CAPN8: variants seen among roughly 807,000 people sequenced by gnomAD.
CAPN8 encodes the protein calpain 8.
A neutral mutation model predicts 80.9 loss-of-function variants in CAPN8; 87 were observed. The ratio of observed to expected loss-of-function variants is 1.07; its 90% CI spans 0.90 to 1.28. CAPN8 has a LOEUF of 1.28. Among genes scored for constraint, CAPN8 ranks in the 50% most tolerant of loss-of-function variants. The pLI is 0.00. For synonymous variants in CAPN8, 299 were observed against 273.8 expected, an observed-to-expected ratio of 1.09 and a Z score of -0.91; for missense variants, 757 against 702.0, an observed-to-expected ratio of 1.08 and a Z score of -0.89.
At chr1:223,645,901 CA>C (rs1221701100) in intron 2 of CAPN8, among the ~76,000 whole-genome samples, 4 of 152,142 alleles carry the variant, frequency 2.6e-5, no homozygotes, top group Non-Finnish European at 4.4e-5. Context: ...GAGGGTAAAC[CA>C]AAGTGCTCCA....
chr1:223,654,917 GA>G (rs1165308431), intron 1 of CAPN8, among the ~76,000 whole-genome samples: 1 of 143,206 alleles, frequency 7.0e-6, no homozygotes, highest in Non-Finnish European at 1.5e-5. Context: ...ATGTTGAACT[GA>G]CCTCAAGTGA....
chr1:223,659,997 C>A (rs11807189), intron 1 of CAPN8, among the ~76,000 whole-genome samples: 3,063 of 152,248 alleles, frequency 0.02, 41 homozygotes, highest in Non-Finnish European at 0.034. Flanking sequence ...CTGAACACAA[C>A]CAGCACGCAA....
At chr1:223,609,937 T>TC (rs1251582731) in intron 11 of CAPN8, among the ~76,000 whole-genome samples, 2 of 151,850 alleles carry the variant, frequency 1.3e-5, no homozygotes, top group African/African-American at 4.8e-5. Flanking sequence ...TAGTCTGGGG[T>TC]CCCCCCAGCC....
intron 8 of CAPN8, 137 bp from the exon 9 acceptor site, chr1:223,619,590 C>G: frequency 1.2e-6 from 1 of 803,568 alleles, no homozygotes; most frequent in Middle Eastern, 3.1e-4. Context: ...CTACAGCACA[C>G]TGATACAAAC....
At chr1:223,626,964 G>T (rs1657600464) in intron 5 of CAPN8, 25 bp downstream of exon 5, 1 of 1,545,196 alleles carries the variant, frequency 6.5e-7, no homozygotes, top group Non-Finnish European at 8.8e-7. Flanking sequence ...GGGAGGTGGG[G>T]CAGTAGAGAA....
At chr1:223,627,240 C>T in intron 4 of CAPN8, 83 bp from the exon 5 acceptor site, 1 of 1,414,836 alleles carries the variant, frequency 7.1e-7, no homozygotes, top group East Asian at 2.5e-5. Flanking sequence ...AGTGCTAGGA[C>T]ATACTGTGGC....
intron 2 of CAPN8, among the ~76,000 whole-genome samples, chr1:223,652,354 A>T (rs915157502): frequency 1.3e-5 from 2 of 152,058 alleles, no homozygotes; most frequent in African/African-American, 4.8e-5. Flanking sequence ...ATATATATAT[A>T]TATAAACATC....
intron 10 of CAPN8, among the ~76,000 whole-genome samples, chr1:223,613,251 GC>G (rs1232239330): frequency 6.6e-6 from 1 of 152,212 alleles, no homozygotes; most frequent in Non-Finnish European, 1.5e-5. Context: ...CACTTCTGGA[GC>G]CCCCATGGGT....
intron 2 of CAPN8, among the ~76,000 whole-genome samples, chr1:223,645,669 T>G (rs1571732286): frequency 6.6e-6 from 1 of 152,174 alleles, no homozygotes; most frequent in East Asian, 1.9e-4. Context: ...GATCCCCAGA[T>G]CTCTCTCCCA....
chr1:223,558,581 GGTGT>G (rs1306589743), intron 12 of CAPN8, among the ~76,000 whole-genome samples: 4 of 151,846 alleles, frequency 2.6e-5, no homozygotes, highest in African/African-American at 4.8e-5. Flanking sequence ...TGTGTGCTAT[GGTGT>G]GTGTGTGTGT....
Position 223,541,930 on chromosome 1 carries a change from C to T in CAPN8, c.2089-71G>A. Reference sequence around the variant, plus strand: ...GGTGTGCTTTCACCATTGATGCTCTCCTGCCTCACATGGGTGCGATCTTTT... The same window carrying T: ...GGTGTGCTTTCACCATTGATGCTCTTCTGCCTCACATGGGTGCGATCTTTT... On this transcript the variant is annotated intron_variant, in intron 20 of 20. Transcript: ENST00000366872. 6 of 1,549,748 alleles carry T rather than the reference C, an allele frequency of 3.9e-6. No homozygotes were observed. In the South Asian group the frequency reaches 6.0e-5, roughly 15 times the overall value.
chr1:223,615,549 AG>A (rs1481680224), intron 10 of CAPN8, among the ~76,000 whole-genome samples: 1 of 152,152 alleles, frequency 6.6e-6, no homozygotes, highest in Admixed American at 6.5e-5. Flanking sequence ...AAGGCCTCCC[AG>A]GGAATAGTTG....
At position 223,609,154 on chromosome 1, in the gene CAPN8, G is replaced by A. The variant is rs1334785471; in HGVS notation, c.1534C>T (p.Leu512=). The part of the protein sequence containing the change: ...RVFSEKKAQA[L]EIGDVVAGNP... ...CACCACGGAGGGAAGGAGACGCACA[G>A]GGCCTGGGCCTTCTTCTCTGAGAAC... Residue 512 remains leucine (L), a splice_region_variant and synonymous_variant, in exon 12 of 21, where the codon CTA becomes TTA. Transcript: ENST00000366872. 5.0e-6 allele frequency: 2 copies of A among 398,420 alleles called. No individual in the cohort carries two copies. The highest frequency in any genetic ancestry group is 4.1e-5 in the African/African-American group (2 of 48,672). The allele number at this position is 398,420 out of a possible 1,614,324, so 24.7% of individuals were successfully genotyped here.
intron 1 of CAPN8, among the ~76,000 whole-genome samples, chr1:223,657,291 T>C (rs1442258450): frequency 6.6e-6 from 1 of 152,054 alleles, no homozygotes; most frequent in Non-Finnish European, 1.5e-5. Context: ...CAAGCAGTCA[T>C]TTTTTGGCAA....
intron 15 of CAPN8, among the ~76,000 whole-genome samples, chr1:223,550,039 C>T (rs1656741884): frequency 6.6e-6 from 1 of 152,220 alleles, no homozygotes; most frequent in Non-Finnish European, 1.5e-5. Flanking sequence ...CACAGCCACT[C>T]AATGACAGCA....
rs1179214913 is a variant in CAPN8, at chr1:223,627,057, G to C, written c.661C>G (p.Pro221Ala). ...CGGATGATCTGATATAGATTGGCTG[G>C]TGGTTTCTTCAGGTCATAAAACTCA... is the stretch of plus-strand genomic sequence containing the variant. ...ISEFYDLKKP[P>A]ANLYQIIRKA... The change falls in exon 5 of 21, where the codon CCA (proline) becomes GCA (alanine). Residue 221 changes from proline to alanine, a missense_variant. Transcript: ENST00000366872. 2 of 1,551,808 alleles carry C rather than the reference G, an allele frequency of 1.3e-6. No individual in the cohort carries two copies. Among genetic ancestry groups the C allele is most frequent in the Non-Finnish European group, 1.7e-6 (2 of 1,147,048 alleles).
At chr1:223,646,952 C>A (rs1169163877) in intron 2 of CAPN8, among the ~76,000 whole-genome samples, 2 of 152,102 alleles carry the variant, frequency 1.3e-5, no homozygotes, top group East Asian at 3.8e-4. Flanking sequence ...ATCTTCAGAC[C>A]CAAACCTCAG....
At chr1:223,659,231 G>A (rs1267689946) in intron 1 of CAPN8, among the ~76,000 whole-genome samples, 1 of 152,144 alleles carries the variant, frequency 6.6e-6, no homozygotes, top group Non-Finnish European at 1.5e-5. Flanking sequence ...TGGCCACACT[G>A]CTCTCCTAGA....
chr1:223,656,463 A>AAAC (rs937236148), intron 1 of CAPN8, among the ~76,000 whole-genome samples: 55 of 152,124 alleles, frequency 3.6e-4, no homozygotes, highest in African/African-American at 1.3e-3. Flanking sequence ...TCCATCTCAA[A>AAAC]AACAACAACA....
Sources: gnomAD v4.1 joint callset for allele counts (sites outside exome capture counted in the v4.1 genomes callset) on GRCh38, gnomAD v4.1.1 for gene constraint, MANE v1.5 for transcripts, NCBI Gene and HGNC (gene_info 2026-07-23, HGNC 2026-07-21) for gene names.